The following CLSTN2 variants were observed in gnomAD, a reference collection of about 807,000 sequenced individuals.
CLSTN2 encodes calsyntenin-2.
Under a neutral mutation model 101.2 loss-of-function variants are expected in CLSTN2, and 48 were observed. The ratio of observed to expected loss-of-function variants is 0.47; its 90% CI spans 0.38 to 0.60. The LOEUF is 0.60. Among genes scored for constraint, CLSTN2 ranks in the 20% least tolerant of loss-of-function variants. CLSTN2 has a pLI of 0.00. For missense variants in CLSTN2, 1,160 were observed against 1,238.2 expected (o/e 0.94, Z 0.95); for synonymous variants, 481 against 463.6 (o/e 1.04, Z -0.48).
intron 16 of CLSTN2, among the ~76,000 whole-genome samples, chr3:140,565,647 A>T (rs1266920246): frequency 6.6e-6 from 1 of 152,196 alleles, no homozygotes; most frequent in Non-Finnish European, 1.5e-5. Flanking sequence ...GAAAAGAGAC[A>T]CAAGATCAAA....
intron 2 of CLSTN2, among the ~76,000 whole-genome samples, chr3:140,340,473 A>C (rs1008041982): frequency 6.6e-6 from 1 of 152,262 alleles, no homozygotes; most frequent in Admixed American, 6.5e-5. Flanking sequence ...TGTTGTTAAC[A>C]GTAGTTATGC....
intron 1 of CLSTN2, among the ~76,000 whole-genome samples, chr3:140,056,823 G>C (rs1258222018): frequency 1.3e-5 from 2 of 152,314 alleles, no homozygotes; most frequent in East Asian, 3.9e-4. Context: ...ACAAGGGTAG[G>C]TTCCTTGAAT....
At chr3:140,125,615 C>G (rs766707378) in intron 1 of CLSTN2, among the ~76,000 whole-genome samples, 8 of 151,910 alleles carry the variant, frequency 5.3e-5, no homozygotes, top group African/African-American at 1.9e-4. Context: ...GTGAACTAAT[C>G]ACATGGGGAG....
chr3:140,177,000 A>G (rs911219807), intron 2 of CLSTN2, among the ~76,000 whole-genome samples: 2 of 152,184 alleles, frequency 1.3e-5, no homozygotes, highest in Non-Finnish European at 2.9e-5. Flanking sequence ...TGCACTTCTA[A>G]GAGATAAGCT....
chr3:140,264,137 C>T (rs1576490481), intron 2 of CLSTN2, among the ~76,000 whole-genome samples: 1 of 152,060 alleles, frequency 6.6e-6, no homozygotes, highest in East Asian at 1.9e-4. Context: ...ATCTCTCATA[C>T]TGTAAATAAA....
intron 1 of CLSTN2, among the ~76,000 whole-genome samples, chr3:140,173,705 A>C (rs1283767783): frequency 2.0e-5 from 3 of 152,178 alleles, no homozygotes; most frequent in East Asian, 3.9e-4. Context: ...ACTTCTGTGC[A>C]CCTGCAGGCT....
intron 2 of CLSTN2, among the ~76,000 whole-genome samples, chr3:140,187,045 C>T (rs2010494940): frequency 6.6e-6 from 1 of 152,200 alleles, no homozygotes; most frequent in African/African-American, 2.4e-5. Context: ...TCCCCAAATC[C>T]ACTGCATGGC....
At chr3:140,125,195 A>G (rs1243434420) in intron 1 of CLSTN2, among the ~76,000 whole-genome samples, 1 of 152,148 alleles carries the variant, frequency 6.6e-6, no homozygotes, top group Non-Finnish European at 1.5e-5. Context: ...TCTTTTGAGA[A>G]AGGTTGCAGT....
At chr3:140,563,862 C>A in intron 15 of CLSTN2, 99 bp from the exon 16 acceptor site, 1 of 1,241,418 alleles carries the variant, frequency 8.1e-7, no homozygotes, top group Non-Finnish European at 1.2e-6. Flanking sequence ...AGTGGTAGGG[C>A]AGACTTTATC....
At chr3:140,511,271 A>G (rs1374876813) in intron 8 of CLSTN2, among the ~76,000 whole-genome samples, 1 of 152,134 alleles carries the variant, frequency 6.6e-6, no homozygotes, top group Non-Finnish European at 1.5e-5. Context: ...TCTATCATTG[A>G]TGGGCATTTA....
At chr3:140,161,390 A>G (rs1255497616) in intron 1 of CLSTN2, among the ~76,000 whole-genome samples, 1 of 152,182 alleles carries the variant, frequency 6.6e-6, no homozygotes, top group African/African-American at 2.4e-5. Context: ...TGCAAAAGAT[A>G]TAAAGACTGT....
intron 2 of CLSTN2, among the ~76,000 whole-genome samples, chr3:140,243,545 T>C (rs1307149432): frequency 6.6e-6 from 1 of 152,192 alleles, no homozygotes; most frequent in Non-Finnish European, 1.5e-5. Context: ...AGAGTGCATG[T>C]CATATGGGTG....
intron 8 of CLSTN2, among the ~76,000 whole-genome samples, chr3:140,530,393 G>C (rs878955585): frequency 1.3e-5 from 2 of 152,168 alleles, no homozygotes; most frequent in Admixed American, 6.5e-5. Flanking sequence ...AGTTATTATA[G>C]TTTGAGAATC....
intron 1 of CLSTN2, among the ~76,000 whole-genome samples, chr3:139,955,128 A>ATATATATATATG (rs1553785588): frequency 7.1e-6 from 1 of 140,744 alleles, no homozygotes; most frequent in Non-Finnish European, 1.5e-5. Flanking sequence ...ATATATATAT[A>ATATATATATATG]TATATATATA....
At chr3:140,462,337 C>T (rs988269177) in intron 7 of CLSTN2, among the ~76,000 whole-genome samples, 14 of 152,106 alleles carry the variant, frequency 9.2e-5, no homozygotes, top group Non-Finnish European at 1.5e-5. Flanking sequence ...TCACTGGCCC[C>T]CTTTCATTAG....
chr3:140,506,569 G>A (rs772213599), intron 8 of CLSTN2: 29 of 152,254 alleles, frequency 1.9e-4, no homozygotes, highest in Middle Eastern at 3.4e-3. Context: ...GGACAGGTGG[G>A]GCTCTGCAGA....
At chr3:140,118,616 G>C (rs1173913864) in intron 1 of CLSTN2, among the ~76,000 whole-genome samples, 1 of 152,190 alleles carries the variant, frequency 6.6e-6, no homozygotes, top group East Asian at 1.9e-4. Context: ...GAATCAGGTA[G>C]AAAGACTGGG....
chr3:140,144,469 A>G (rs2009751420), intron 1 of CLSTN2, among the ~76,000 whole-genome samples: 1 of 152,086 alleles, frequency 6.6e-6, no homozygotes, highest in Non-Finnish European at 1.5e-5. Flanking sequence ...TACAAAAATT[A>G]GCCGGGCATG....
intron 1 of CLSTN2, among the ~76,000 whole-genome samples, chr3:140,146,502 C>T (rs2009782689): frequency 6.6e-6 from 1 of 152,224 alleles, no homozygotes; most frequent in Non-Finnish European, 1.5e-5. Flanking sequence ...GGAAGTCCTT[C>T]TGTCCTCAAA....
Sources: gnomAD v4.1 joint callset for allele counts (sites outside exome capture counted in the v4.1 genomes callset) on GRCh38, gnomAD v4.1.1 for gene constraint, MANE v1.5 for transcripts, NCBI Gene and HGNC (gene_info 2026-07-23, HGNC 2026-07-21) for gene names.